Variants in SLC1A2 observed in about 807,000 individuals in gnomAD.
The protein encoded by SLC1A2 is excitatory amino acid transporter 2.
A neutral mutation model predicts 48.8 loss-of-function variants in SLC1A2; 15 were observed. The observed-to-expected ratio is 0.31, with a 90% CI of 0.21 to 0.47. The LOEUF (loss-of-function observed/expected upper bound fraction) is 0.47. Ranked by LOEUF, SLC1A2 falls within the 20% of genes least tolerant of loss-of-function variation. The probability of loss-of-function intolerance (pLI) is 0.99; values close to 1 mark genes in which losing one functional copy is unlikely to be tolerated. For missense variants in SLC1A2, 502 were observed against 730.5 expected, an observed-to-expected ratio of 0.69 and a Z score of 3.61; for synonymous variants, 279 against 272.6, an observed-to-expected ratio of 1.02 and a Z score of -0.23.
chr11:35,303,894 CAGAA>C (rs1321448504), intron 5 of SLC1A2, among the ~76,000 whole-genome samples: 3 of 152,224 alleles, frequency 2.0e-5, no homozygotes, highest in African/African-American at 7.2e-5. Context: ...AGCCAAAAAA[CAGAA>C]AGACAGCAAA....
At chr11:35,293,810 G>C (rs142091903) in intron 6 of SLC1A2, among the ~76,000 whole-genome samples, 1 of 152,280 alleles carries the variant, frequency 6.6e-6, no homozygotes, top group African/African-American at 2.4e-5. Flanking sequence ...AATGTGAAGA[G>C]TAGATGAGAC....
At chr11:35,411,324 T>C (rs1185922283) in intron 1 of SLC1A2, among the ~76,000 whole-genome samples, 1 of 152,272 alleles carries the variant, frequency 6.6e-6, no homozygotes, top group Non-Finnish European at 1.5e-5. Context: ...GTCTGAGATG[T>C]GTGTTGTTGG....
At chr11:35,418,893 G>A in intron 1 of SLC1A2, 57 bp downstream of exon 1, 5 of 1,506,488 alleles carry the variant, frequency 3.3e-6, no homozygotes, top group East Asian at 2.5e-5. Context: ...GGATAGGGGC[G>A]CCACCACCCC....
chr11:35,331,988 T>C (rs11033072), intron 1 of SLC1A2, among the ~76,000 whole-genome samples: 3,947 of 152,170 alleles, frequency 0.026, 155 homozygotes, highest in East Asian at 0.1. Flanking sequence ...GGGACCCAAG[T>C]CTGCAGGGAC....
chr11:35,312,836 A>T (rs758246144), intron 3 of SLC1A2, among the ~76,000 whole-genome samples: 1 of 152,190 alleles, frequency 6.6e-6, no homozygotes, highest in African/African-American at 2.4e-5. Flanking sequence ...AATATTTTCA[A>T]TCTGCACATG....
intron 8 of SLC1A2, among the ~76,000 whole-genome samples, chr11:35,284,176 C>G (rs1850740506): frequency 6.7e-6 from 1 of 149,828 alleles, no homozygotes; most frequent in Non-Finnish European, 1.5e-5. Flanking sequence ...GTTAAAAACA[C>G]AAACCCCAGA....
At chr11:35,362,564 G>A (rs574033785) in intron 1 of SLC1A2, among the ~76,000 whole-genome samples, 10 of 152,202 alleles carry the variant, frequency 6.6e-5, no homozygotes, top group Admixed American at 2.0e-4. Context: ...AACTATTCAC[G>A]GGACTGTAGT....
At chr11:35,395,826 C>G (rs1353921979) in intron 1 of SLC1A2, among the ~76,000 whole-genome samples, 1 of 100,206 alleles carries the variant, frequency 1.0e-5, no homozygotes, top group East Asian at 3.7e-4. Flanking sequence ...TCCCTCCCCC[C>G]TCCCCCCACC....
At chr11:35,412,933 T>C (rs1391448326) in intron 1 of SLC1A2, among the ~76,000 whole-genome samples, 1 of 151,768 alleles carries the variant, frequency 6.6e-6, no homozygotes. Context: ...CTCTCCATTA[T>C]GTACAACCCA....
chr11:35,270,017 G>C (rs924450862), intron 9 of SLC1A2, among the ~76,000 whole-genome samples: 22 of 152,178 alleles, frequency 1.4e-4, no homozygotes, highest in African/African-American at 5.3e-4. Flanking sequence ...TGAGATAGGA[G>C]AATCGTTTGA....
At chr11:35,294,570 C>T (rs1299091114) in intron 6 of SLC1A2, among the ~76,000 whole-genome samples, 2 of 152,286 alleles carry the variant, frequency 1.3e-5, no homozygotes, top group South Asian at 2.1e-4. Flanking sequence ...CTTCATAAAA[C>T]AAGAGATCAA....
intron 9 of SLC1A2, among the ~76,000 whole-genome samples, chr11:35,267,704 T>C (rs1850141714): frequency 6.6e-6 from 1 of 152,086 alleles, no homozygotes; most frequent in South Asian, 2.1e-4. Context: ...CCTCCTGGAA[T>C]GTATCCTGAG....
Position 35,265,709 on chromosome 11 carries a change from C to T in SLC1A2, c.1471G>A (p.Gly491Arg). ...GACTTGGAGAGGTGATAGACTATCC[C>T]AGCCCCAAAAGAGTCACCCACAACA... Reference protein sequence around the residue: ...VNVVGDSFGAGIVYHLSKSEL... With the variant: ...VNVVGDSFGARIVYHLSKSEL... The change falls in exon 10 of 11, where the codon GGG (glycine) becomes AGG (arginine). Residue 491 changes from glycine (G) to arginine (R), a missense_variant. Physicochemically the swap from Gly to Arg is moderately radical, Grantham distance 125. Around this residue, in one of 4 missense-constraint regions of SLC1A2, gnomAD observed 102 missense variants for 107.2 expected, o/e 0.95. Coordinates refer to ENST00000278379, the MANE Select transcript of SLC1A2 (RefSeq NM_004171.4). 6.2e-7 allele frequency: 1 copy of T among 1,614,032 alleles called. No homozygotes were observed. Among genetic ancestry groups the T allele is most frequent in the Non-Finnish European group, 8.5e-7 (1 of 1,179,892 alleles).
intron 1 of SLC1A2, among the ~76,000 whole-genome samples, chr11:35,370,463 T>C (rs1050659337): frequency 1.3e-5 from 2 of 152,148 alleles, no homozygotes; most frequent in African/African-American, 4.8e-5. Context: ...TTACTTCAGC[T>C]CTCAAGTGAA....
Position 35,317,294 on chromosome 11 carries a change from T to C in SLC1A2, c.157+83A>G, listed in dbSNP as rs1335334721. ...GTGGCTTCCTTTCTGGTGGAAGGGC[T>C]GGCTGCTGAGACCAGCTGCCCCACA... On this transcript the variant is annotated intron_variant, in intron 2 of 10. Coordinates refer to ENST00000278379, the MANE Select transcript of SLC1A2 (RefSeq NM_004171.4). The C allele has an allele frequency of 2.7e-6, 4 of 1,463,940 alleles. No individual in the cohort carries two copies. In the African/African-American group the frequency reaches 5.5e-5, roughly 20 times the overall value. The allele number at this position is 1,463,940 out of a possible 1,614,324, so 90.7% of individuals were successfully genotyped here.
At position 35,333,250 on chromosome 11, in the gene SLC1A2, TA is replaced by T. The variant is rs567978753; in HGVS notation, c.18-15735del. Among the ~76,000 whole-genome samples, 7 of 150,232 alleles carry T rather than the reference TA, an allele frequency of 4.7e-5. No homozygotes were observed. The South Asian group carries it at 6.3e-4, about 14-fold the overall frequency. ...CAAAATGGTGAAACCCCATCTCTAC[TA>T]AAAAAAAATACTAAAATTAGCCAGG... On this transcript the variant is annotated intron_variant, in intron 1 of 10. Coordinates refer to ENST00000278379, the MANE Select transcript of SLC1A2 (RefSeq NM_004171.4).
At chr11:35,318,427 C>A (rs927124322) in intron 1 of SLC1A2, among the ~76,000 whole-genome samples, 6 of 152,142 alleles carry the variant, frequency 3.9e-5, no homozygotes, top group African/African-American at 7.2e-5. Context: ...TTTACAATCA[C>A]CATCATTTGA....
rs531340173 is a variant in SLC1A2, at chr11:35,380,414, GA to G, written c.17+38535del. 2.3e-4 allele frequency: 90 copies of G among 398,576 alleles called. 2 individuals are homozygous for G. The South Asian group carries it at 0.011, about 49-fold the overall frequency. 24.7% of individuals were successfully genotyped at this position (398,576 alleles called of 1,614,324 possible). A position where few individuals can be genotyped will look rare whatever the true frequency, so the allele number is the denominator to read the frequency against. On this transcript the variant is annotated intron_variant, in intron 1 of 10. Coordinates refer to ENST00000278379, the MANE Select transcript of SLC1A2 (RefSeq NM_004171.4). The stretch of plus-strand genomic sequence containing the variant: ...AATGTGGTCCTTGGGCCTCTTCATG[GA>G]TGCATATGTGCGAGTTATTCTAGGT...
At chr11:35,296,757 G>C (rs951018514) in intron 6 of SLC1A2, among the ~76,000 whole-genome samples, 3 of 152,098 alleles carry the variant, frequency 2.0e-5, no homozygotes, top group Non-Finnish European at 4.4e-5. Flanking sequence ...TCACTCTGCA[G>C]GTCTTCATTA....
Sources: allele counts gnomAD v4.1 joint callset (sites outside exome capture counted in the v4.1 genomes callset), GRCh38; gene constraint gnomAD v4.1.1; regional missense constraint gnomAD v4.1.1; transcripts MANE v1.5; gene names NCBI Gene and HGNC (gene_info 2026-07-23, HGNC 2026-07-21).